GRAMD1B: variants seen among roughly 807,000 people sequenced by gnomAD.
GRAMD1B encodes GRAM domain containing 1B.
In GRAMD1B, 37 loss-of-function variants were observed where a neutral mutation model predicts 99.7. That is an observed-to-expected ratio of 0.37 (90% CI 0.29 to 0.49). GRAMD1B has a LOEUF of 0.49. GRAMD1B is among the 20% of genes least tolerant of loss of function. The pLI is 0.98. For missense variants in GRAMD1B, 888 were observed against 1,009.2 expected (o/e 0.88, Z 1.63); for synonymous variants, 427 against 387.6 (o/e 1.10, Z -1.19).
chr11:123,460,258 G>A (rs774207348), intron 1 of GRAMD1B: 1 of 152,178 alleles, frequency 6.6e-6, no homozygotes, highest in Non-Finnish European at 1.5e-5. Context: ...GAGAAGACAT[G>A]GAGTTTAATC....
intron 4 of GRAMD1B, among the ~76,000 whole-genome samples, chr11:123,588,112 C>G (rs1448719420): frequency 1.3e-5 from 2 of 151,906 alleles, no homozygotes; most frequent in Non-Finnish European, 2.9e-5. Context: ...CTGCCTTCTG[C>G]CTATCCAGAT....
At chr11:123,601,528 T>C (rs1313298404) in intron 8 of GRAMD1B, among the ~76,000 whole-genome samples, 1 of 151,878 alleles carries the variant, frequency 6.6e-6, no homozygotes, top group Non-Finnish European at 1.5e-5. Flanking sequence ...TGTGTGTGTG[T>C]GTGTGTGTGT....
intron 2 of GRAMD1B, among the ~76,000 whole-genome samples, chr11:123,524,726 A>G (rs1281326235): frequency 1.3e-5 from 2 of 152,288 alleles, no homozygotes; most frequent in East Asian, 1.9e-4. Context: ...AGATTGTTTT[A>G]TGGGCAAATT....
At chr11:123,501,961 G>T (rs1175155301) in intron 2 of GRAMD1B, among the ~76,000 whole-genome samples, 1 of 152,192 alleles carries the variant, frequency 6.6e-6, no homozygotes, top group African/African-American at 2.4e-5. Context: ...TTACCTTTCT[G>T]CAGGTACTAA....
intron 14 of GRAMD1B, among the ~76,000 whole-genome samples, chr11:123,612,371 C>T (rs757189183): frequency 2.6e-5 from 4 of 152,158 alleles, no homozygotes; most frequent in East Asian, 1.9e-4. Flanking sequence ...AAGGATGAGC[C>T]GTCTTACTTT....
intron 2 of GRAMD1B, among the ~76,000 whole-genome samples, chr11:123,569,836 A>G (rs1366506685): frequency 1.3e-5 from 2 of 152,250 alleles, no homozygotes; most frequent in African/African-American, 4.8e-5. Context: ...ACCCCATGCT[A>G]CAAATGGCAA....
In GRAMD1B at chr11:123,515,699, C is replaced by T. The variant is rs375987626; in HGVS notation, c.452+34806C>T. 3.3e-5 allele frequency among the ~76,000 whole-genome samples: 5 copies of T among 152,156 alleles called. No individual in the cohort carries two copies. In the East Asian group the frequency reaches 5.8e-4, roughly 18 times the overall value. On this transcript the variant is annotated intron_variant, in intron 2 of 19. Transcript: ENST00000635736. ...ACTAAACTGAAACATAGAACTACCACCACTATGTATATGTATATTTAAAGA... is the reference window on the plus strand; with the variant it reads ...ACTAAACTGAAACATAGAACTACCATCACTATGTATATGTATATTTAAAGA...
chr11:123,626,429 C>G lies in GRAMD1B; in HGVS notation c.*3834C>G, dbSNP rs1211404887. 6.6e-6 allele frequency: 1 copy of G among 150,886 alleles called. No homozygotes were observed. Among genetic ancestry groups the G allele is most frequent in the African/African-American group, 2.4e-5 (1 of 40,952 alleles). 9.3% of individuals were successfully genotyped at this position (150,886 alleles called of 1,614,324 possible). ...CCAGGCAGTATCCCTAAGATGAGAT[C>G]CTGGAGAAAGGACTAGGGGAAGTAT... is the stretch of plus-strand genomic sequence containing the variant. On this transcript the variant is annotated 3_prime_UTR_variant, in exon 20 of 20. Transcript: ENST00000635736.
chr11:123,369,116 G>C (rs964684847), intron 1 of GRAMD1B, among the ~76,000 whole-genome samples: 1 of 152,038 alleles, frequency 6.6e-6, no homozygotes, highest in African/African-American at 2.4e-5. Context: ...GCAACAAAGT[G>C]AGACCCCATA....
At position 123,608,757 on chromosome 11, in the gene GRAMD1B, A is replaced by C; in HGVS notation, c.1612A>C (p.Asn538His). The C allele has an allele frequency of 6.4e-7, 1 of 1,552,326 alleles. No individual in the cohort carries two copies. The change falls in exon 12 of 20, where the codon AAC becomes CAC. Residue 538 changes from asparagine to histidine, a missense_variant. Asn to His is a moderately conservative substitution (Grantham distance 68, BLOSUM62 1). This residue lies in a region of GRAMD1B where 269 missense variants were observed against 296.6 expected (regional missense o/e 0.91). Coordinates refer to ENST00000635736, the MANE Select transcript of GRAMD1B (RefSeq NM_001387025.1). ...VDKLYDLLFT[N>H]SPFQRDFMEQ... is the part of the protein sequence containing the mutation. ...CAAGCTCTATGACCTCCTCTTCACCAACTCGCCCTTCCAGCGGGATTTCAT... is the reference window on the plus strand; with the variant it reads ...CAAGCTCTATGACCTCCTCTTCACCCACTCGCCCTTCCAGCGGGATTTCAT...
At chr11:123,488,609 A>G (rs1938158590) in intron 2 of GRAMD1B, among the ~76,000 whole-genome samples, 1 of 152,146 alleles carries the variant, frequency 6.6e-6, no homozygotes, top group African/African-American at 2.4e-5. Context: ...CGGAGGTGTG[A>G]ACCTGGGGAG....
intron 2 of GRAMD1B, among the ~76,000 whole-genome samples, chr11:123,499,318 T>C (rs1939614568): frequency 6.6e-6 from 1 of 152,236 alleles, no homozygotes; most frequent in Non-Finnish European, 1.5e-5. Flanking sequence ...CTCCTTTGTC[T>C]TGAGAACTTC....
At chr11:123,471,456 A>T (rs1252472687) in intron 1 of GRAMD1B, among the ~76,000 whole-genome samples, 1 of 152,174 alleles carries the variant, frequency 6.6e-6, no homozygotes, top group Non-Finnish European at 1.5e-5. Flanking sequence ...ACATTTTAGG[A>T]CCAAATAGAA....
At chr11:123,364,448 T>C (rs7109102) in intron 1 of GRAMD1B, among the ~76,000 whole-genome samples, 29,163 of 152,236 alleles carry the variant, frequency 0.19, 6,353 homozygotes, top group African/African-American at 0.54. Flanking sequence ...ATTGACAGTC[T>C]ATTAAGGGGA....
At chr11:123,365,796 T>A (rs1470166355) in intron 1 of GRAMD1B, among the ~76,000 whole-genome samples, 1 of 152,210 alleles carries the variant, frequency 6.6e-6, no homozygotes, top group Non-Finnish European at 1.5e-5. Context: ...CACTGCCAAG[T>A]TTTCTTGTGA....
At chr11:123,543,483 A>G (rs1325732961) in intron 2 of GRAMD1B, among the ~76,000 whole-genome samples, 1 of 152,226 alleles carries the variant, frequency 6.6e-6, no homozygotes, top group East Asian at 1.9e-4. Flanking sequence ...AAGTTGGCCA[A>G]AGGAGGAAAC....
At chr11:123,548,323 T>TACACACACACACACACAC (rs1288714416) in intron 2 of GRAMD1B, among the ~76,000 whole-genome samples, 39 of 100,506 alleles carry the variant, frequency 3.9e-4, no homozygotes, top group Non-Finnish European at 6.1e-4. Flanking sequence ...TATATATATA[T>TACACACACACACACACAC]ATACACACAC....
At chr11:123,550,671 CA>C (rs1565360960) in intron 2 of GRAMD1B, among the ~76,000 whole-genome samples, 1 of 152,118 alleles carries the variant, frequency 6.6e-6, no homozygotes. Flanking sequence ...TTAACTGGGG[CA>C]TCCAGCAAGC....
chr11:123,499,747 G>T (rs993709911), intron 2 of GRAMD1B, among the ~76,000 whole-genome samples: 2 of 152,184 alleles, frequency 1.3e-5, no homozygotes, highest in Non-Finnish European at 2.9e-5. Flanking sequence ...AGTAGAGGTT[G>T]TTTGCGTGCA....
Sources: gnomAD v4.1 joint callset for allele counts (sites outside exome capture counted in the v4.1 genomes callset) on GRCh38, gnomAD v4.1.1 for gene constraint, gnomAD v4.1.1 regional missense constraint, MANE v1.5 for transcripts, NCBI Gene and HGNC (gene_info 2026-07-23, HGNC 2026-07-21) for gene names.